The following PHOX2A variants were observed in gnomAD, a reference collection of about 807,000 sequenced individuals.
The protein encoded by PHOX2A is paired like homeobox 2A.
Under a neutral mutation model 16.4 loss-of-function variants are expected in PHOX2A, and 10 were observed. The ratio of observed to expected loss-of-function variants is 0.61; its 90% CI spans 0.38 to 1.04. PHOX2A has a LOEUF of 1.04. Ranked by LOEUF, PHOX2A falls within the 50% of genes least tolerant of loss-of-function variation. The probability of loss-of-function intolerance (pLI) is 0.01; values close to 1 mark genes in which losing one functional copy is unlikely to be tolerated. For missense variants in PHOX2A, 361 were observed against 419.4 expected, an observed-to-expected ratio of 0.86 and a Z score of 1.22; for synonymous variants, 219 against 203.8, an observed-to-expected ratio of 1.07 and a Z score of -0.64.
At chr11:72,243,302 G>T (rs980893337) in intron 1 of PHOX2A, among the ~76,000 whole-genome samples, 1 of 152,150 alleles carries the variant, frequency 6.6e-6, no homozygotes, top group East Asian at 1.9e-4. Flanking sequence ...AGGGCAGGAG[G>T]GGCCTGATGG....
chr11:72,241,322 G>GGGGGGGGGGCC, intron 1 of PHOX2A, 33 bp from the exon 2 acceptor site: 1 of 626,612 alleles, frequency 1.6e-6, no homozygotes. Context: ...CGGGGGGGGG[G>GGGGGGGGGGCC]CAAAAAGGAT....
Position 72,240,190 on chromosome 11 carries a change from G to T in PHOX2A, c.414C>A (p.Phe138Leu). The change falls in exon 3 of 3, where the codon TTC becomes TTA. Residue 138 changes from phenylalanine (F) to leucine (L), a missense_variant. Physicochemically the swap from Phe to Leu is conservative, Grantham distance 22. This residue lies in a region of PHOX2A where 235 missense variants were observed against 263.8 expected (regional missense o/e 0.89). Coordinates refer to ENST00000298231, the MANE Select transcript of PHOX2A (RefSeq NM_005169.4). ...DLTEARVQVW[F>L]QNRRAKFRKQ... is the part of the protein sequence containing the mutation. ...TGCGGAACTTGGCCCGGCGGTTCTG[G>T]AACCAGACCTGCGGGCACAGGGGCC... 1 of 1,535,522 alleles carries T rather than the reference G, an allele frequency of 6.5e-7. No homozygotes were observed. The highest frequency in any genetic ancestry group is 1.2e-5 in the South Asian group (1 of 83,946).
rs747489685 is a variant in PHOX2A, at chr11:72,243,948, G to T, written c.57C>A (p.Ser19=). The change falls in exon 1 of 3, where the codon TCC becomes TCA. Residue 19 remains serine (S), a synonymous_variant. Coordinates refer to ENST00000298231, the MANE Select transcript of PHOX2A (RefSeq NM_005169.4). ...TGCAGGCGCCAAAGTCGCCGTAGGC[G>T]GACGCCTCCATGGCCGCCACGCACG... ...YDSCVAAMEA[S]AYGDFGACSQ... is the part of the protein sequence containing the mutation. 1 of 1,312,514 alleles carries T rather than the reference G, an allele frequency of 7.6e-7. No homozygotes were observed. The highest frequency in any genetic ancestry group is 9.8e-7 in the Non-Finnish European group (1 of 1,024,252). The allele number at this position is 1,312,514 out of a possible 1,614,324, so 81.3% of individuals were successfully genotyped here.
At position 72,239,784 on chromosome 11, in the gene PHOX2A, T is replaced by G. The variant is rs755534664; in HGVS notation, c.820A>C (p.Lys274Gln). ...FSGVLSSFHRKPGPALKTNLF is the reference protein window; with the variant it reads ...FSGVLSSFHRQPGPALKTNLF ...TTGGTCTTCAGGGCGGGGCCGGGCT[T>G]CCGGTGAAAGGAGGACAGAACCCCG... is the stretch of plus-strand genomic sequence containing the variant. Residue 274 changes from lysine (K) to glutamine (Q), a missense_variant, in exon 3 of 3, where the codon AAG becomes CAG. Coordinates refer to ENST00000298231, the MANE Select transcript of PHOX2A (RefSeq NM_005169.4). The G allele has an allele frequency of 1.5e-6, 2 of 1,331,012 alleles. No individual in the cohort carries two copies. Among genetic ancestry groups the G allele is most frequent in the East Asian group, 2.8e-5 (1 of 35,226 alleles). The allele number at this position is 1,331,012 out of a possible 1,614,324, so 82.5% of individuals were successfully genotyped here.
chr11:72,242,327 T>C (rs1949128849), intron 1 of PHOX2A, among the ~76,000 whole-genome samples: 1 of 152,058 alleles, frequency 6.6e-6, no homozygotes, highest in African/African-American at 2.4e-5. Flanking sequence ...CAGCACCCCA[T>C]TTGTATTCTT....
intron 2 of PHOX2A, 30 bp from the exon 3 acceptor site, chr11:72,240,228 C>T (rs1445571901): frequency 1.3e-5 from 20 of 1,530,390 alleles, no homozygotes; most frequent in Non-Finnish European, 1.7e-5. Flanking sequence ...TCAGCCTGGA[C>T]GAGGGTCGGA....
chr11:72,240,129 C>T lies in PHOX2A; in HGVS notation c.475G>A (p.Gly159Ser), dbSNP rs1949103712. The T allele has an allele frequency of 6.5e-7, 1 of 1,533,192 alleles. No individual in the cohort carries two copies. Among genetic ancestry groups the T allele is most frequent in the South Asian group, 1.2e-5 (1 of 83,808 alleles). 95.0% of individuals were successfully genotyped at this position (1,533,192 alleles called of 1,614,324 possible). A position where few individuals can be genotyped will look rare whatever the true frequency, so the allele number is the denominator to read the frequency against. The change falls in exon 3 of 3, where the codon GGC becomes AGC. Residue 159 changes from glycine to serine, a missense_variant. Around this residue, in one of 3 missense-constraint regions of PHOX2A, gnomAD observed 235 missense variants for 263.8 expected, o/e 0.89. Transcript: ENST00000298231. ...ERAASAKGAA[G>S]AAGAKKGEAR... Reference sequence around the variant, plus strand: ...TCGCCCTTTTTGGCGCCCGCCGCGCCCGCCGCGCCCTTGGCGCTGGCCGCG... The same window carrying T: ...TCGCCCTTTTTGGCGCCCGCCGCGCTCGCCGCGCCCTTGGCGCTGGCCGCG...
intron 1 of PHOX2A, among the ~76,000 whole-genome samples, chr11:72,241,941 C>T (rs1251264921): frequency 6.6e-6 from 1 of 150,714 alleles, no homozygotes; most frequent in South Asian, 2.1e-4. Flanking sequence ...CTAGATGTCC[C>T]CCTCTCCTCT....
intron 1 of PHOX2A, 56 bp from the exon 2 acceptor site, chr11:72,241,345 A>C: frequency 1.8e-6 from 2 of 1,087,192 alleles, no homozygotes; most frequent in Non-Finnish European, 2.6e-6. Flanking sequence ...GGGAGTGAGA[A>C]GCAGAGTTCA....
At chr11:72,240,872 C>T (rs972009228) in intron 2 of PHOX2A, among the ~76,000 whole-genome samples, 2 of 152,212 alleles carry the variant, frequency 1.3e-5, no homozygotes, top group African/African-American at 4.8e-5. Context: ...TCGGAACTTT[C>T]TGCCCTAAGA....
At position 72,239,530 on chromosome 11, in the gene PHOX2A, G is replaced by A. The variant is rs1406197458; in HGVS notation, c.*219C>T. The A allele has an allele frequency of 2.0e-5, 8 of 396,674 alleles. No individual in the cohort carries two copies. Among genetic ancestry groups the A allele is most frequent in the Non-Finnish European group, 3.5e-5 (8 of 225,496 alleles). The allele number at this position is 396,674 out of a possible 1,614,324, so 24.6% of individuals were successfully genotyped here. ...CCGGGGTTCTCCTGGAGGAGGTCCCGGTATAAAGAACTCCGCTCTGCTGGT... is the reference window on the plus strand; with the variant it reads ...CCGGGGTTCTCCTGGAGGAGGTCCCAGTATAAAGAACTCCGCTCTGCTGGT... On this transcript the variant is annotated 3_prime_UTR_variant, in exon 3 of 3. Coordinates refer to ENST00000298231, the MANE Select transcript of PHOX2A (RefSeq NM_005169.4).
At chr11:72,242,324 C>G (rs1381718312) in intron 1 of PHOX2A, among the ~76,000 whole-genome samples, 1 of 152,128 alleles carries the variant, frequency 6.6e-6, no homozygotes, top group Non-Finnish European at 1.5e-5. Context: ...CTCCAGCACC[C>G]CATTTGTATT....
rs1949096609 is a variant in PHOX2A, at chr11:72,239,681, G to A, written c.*68C>T. On this transcript the variant is annotated 3_prime_UTR_variant, in exon 3 of 3. Coordinates refer to ENST00000298231, the MANE Select transcript of PHOX2A (RefSeq NM_005169.4). ...TCCAGGCGGGTGGCCAGGATGGGAG[G>A]GGCTGTCAGGTCCTGGAGGGGCAGG... is the stretch of plus-strand genomic sequence containing the variant. The A allele has an allele frequency of 2.5e-6, 3 of 1,191,554 alleles. No homozygotes were observed. The highest frequency in any genetic ancestry group is 3.2e-6 in the Non-Finnish European group (3 of 927,416). The allele number at this position is 1,191,554 out of a possible 1,614,324, so 73.8% of individuals were successfully genotyped here.
chr11:72,239,525 G>C lies in PHOX2A; in HGVS notation c.*224C>G. ...GAGCTCCGGGGTTCTCCTGGAGGAG[G>C]TCCCGGTATAAAGAACTCCGCTCTG... On this transcript the variant is annotated 3_prime_UTR_variant, in exon 3 of 3. Transcript: ENST00000298231. 2.5e-6 allele frequency: 1 copy of C among 394,234 alleles called. No individual in the cohort carries two copies. The highest frequency in any genetic ancestry group is 4.5e-6 in the Non-Finnish European group (1 of 223,742). The allele number at this position is 394,234 out of a possible 1,614,324, so 24.4% of individuals were successfully genotyped here.
Position 72,239,888 on chromosome 11 carries a change from C to CA in PHOX2A, c.715_716insT (p.Gly239ValfsTer14). On this transcript the variant is annotated frameshift_variant, in exon 3 of 3. Coordinates refer to ENST00000298231, the MANE Select transcript of PHOX2A (RefSeq NM_005169.4). LOFTEE classifies it high-confidence loss of function. ...CGCTCCCGCGCCAGGCCCGCCGCCC[C>CA]CACCGCCCGCCACACCGGCCCACAG... The CA allele has an allele frequency of 7.4e-7, 1 of 1,355,248 alleles. No individual in the cohort carries two copies. The highest frequency in any genetic ancestry group is 9.6e-7 in the Non-Finnish European group (1 of 1,042,176). The allele number at this position is 1,355,248 out of a possible 1,614,324, so 84.0% of individuals were successfully genotyped here.
At position 72,239,856 on chromosome 11, in the gene PHOX2A, G is replaced by T; in HGVS notation, c.748C>A (p.Leu250Ile). 7.2e-7 allele frequency: 1 copy of T among 1,382,016 alleles called. No individual in the cohort carries two copies. The highest frequency in any genetic ancestry group is 9.5e-7 in the Non-Finnish European group (1 of 1,056,030). 85.6% of individuals were successfully genotyped at this position (1,382,016 alleles called of 1,614,324 possible). The change falls in exon 3 of 3, where the codon CTA (leucine) becomes ATA (isoleucine). Residue 250 changes from leucine (L) to isoleucine (I), a missense_variant. By Grantham distance (5) the Leu-to-Ile change is conservative. This residue lies in a region of PHOX2A where 71 missense variants were observed against 54.1 expected (regional missense o/e 1.31). Transcript: ENST00000298231. ...TCCGCCGGCTGCCAAGCCTTAAGTA[G>T]TTCGGCCGCTCCCGCGCCAGGCCCG... ...GGGPGAGAAE[L>I]LKAWQPAESG... is the part of the protein sequence containing the mutation.
chr11:72,239,829 A>G lies in PHOX2A; in HGVS notation c.775T>C (p.Ser259Pro). Residue 259 changes from serine (S) to proline (P), a missense_variant, in exon 3 of 3, where the codon TCC (serine) becomes CCC (proline). Ser to Pro is a moderately conservative substitution (Grantham distance 74, BLOSUM62 -1). Coordinates refer to ENST00000298231, the MANE Select transcript of PHOX2A (RefSeq NM_005169.4). ...ACCCCGGAGAAGGGCCCGGGGCCGG[A>G]CTCCGCCGGCTGCCAAGCCTTAAGT... ...ELLKAWQPAESGPGPFSGVLS... is the reference protein window; with the variant it reads ...ELLKAWQPAEPGPGPFSGVLS... 1 of 1,364,388 alleles carries G rather than the reference A, an allele frequency of 7.3e-7. No homozygotes were observed. The highest frequency in any genetic ancestry group is 9.5e-7 in the Non-Finnish European group (1 of 1,049,556). 84.5% of individuals were successfully genotyped at this position (1,364,388 alleles called of 1,614,324 possible). A position where few individuals can be genotyped will look rare whatever the true frequency, so the allele number is the denominator to read the frequency against.
At chr11:72,242,943 A>C (rs1357708593) in intron 1 of PHOX2A, among the ~76,000 whole-genome samples, 1 of 152,040 alleles carries the variant, frequency 6.6e-6, no homozygotes, top group Non-Finnish European at 1.5e-5. Context: ...CTGGGATTAC[A>C]GGCATGAGCC....
chr11:72,239,888 C>G lies in PHOX2A; in HGVS notation c.716G>C (p.Gly239Ala). The G allele has an allele frequency of 7.4e-7, 1 of 1,355,248 alleles. No individual in the cohort carries two copies. Among genetic ancestry groups the G allele is most frequent in the Non-Finnish European group, 9.6e-7 (1 of 1,042,176 alleles). 84.0% of individuals were successfully genotyped at this position (1,355,248 alleles called of 1,614,324 possible). The change falls in exon 3 of 3, where the codon GGG becomes GCG. Residue 239 changes from glycine (G) to alanine (A), a missense_variant. Coordinates refer to ENST00000298231, the MANE Select transcript of PHOX2A (RefSeq NM_005169.4). ...CGCTCCCGCGCCAGGCCCGCCGCCCCCACCGCCCGCCACACCGGCCCACAG... is the reference window on the plus strand; with the variant it reads ...CGCTCCCGCGCCAGGCCCGCCGCCCGCACCGCCCGCCACACCGGCCCACAG... ...GALWAGVAGG[G>A]GGGPGAGAAE...
Sources: gnomAD v4.1 joint callset for allele counts (sites outside exome capture counted in the v4.1 genomes callset) on GRCh38, gnomAD v4.1.1 for gene constraint, gnomAD v4.1.1 regional missense constraint, MANE v1.5 for transcripts, NCBI Gene and HGNC (gene_info 2026-07-23, HGNC 2026-07-21) for gene names.